Variants in ASAP1 observed in about 807,000 individuals in gnomAD.
ASAP1 encodes ArfGAP with SH3 domain, ankyrin repeat and PH domain 1.
ASAP1 carries 43 observed loss-of-function variants against 145.2 expected under a neutral mutation model. The ratio of observed to expected loss-of-function variants is 0.30; its 90% CI spans 0.23 to 0.38. The LOEUF (loss-of-function observed/expected upper bound fraction) is 0.38, where lower values mean the gene tolerates loss of function less well. Among genes scored for constraint, ASAP1 ranks in the 10% least tolerant of loss-of-function variants. The pLI is 1.00. For missense variants in ASAP1, 1,018 were observed against 1,355.3 expected (o/e 0.75, Z 3.91); for synonymous variants, 546 against 515.5 (o/e 1.06, Z -0.80).
chr8:130,280,484 A>G (rs1357090226), intron 3 of ASAP1, among the ~76,000 whole-genome samples: 1 of 152,262 alleles, frequency 6.6e-6, no homozygotes, highest in African/African-American at 2.4e-5. Flanking sequence ...AGTCTGCCAC[A>G]GTAGAGAGCA....
chr8:130,188,199 G>A lies in ASAP1; in HGVS notation c.406-16C>T, dbSNP rs775114845. 6.3e-6 allele frequency: 10 copies of A among 1,596,612 alleles called. No homozygotes were observed. In the East Asian group the frequency reaches 1.8e-4, roughly 29 times the overall value. On this transcript the variant is annotated splice_polypyrimidine_tract_variant and intron_variant, in intron 5 of 29. Transcript: ENST00000518721. ...AACCCTGGAGCTGAAAAAGCAAAGG[G>A]AAGATGGGAGATGGTTAAAAAATAA...
chr8:130,059,784 A>T (rs2097413857), intron 28 of ASAP1, among the ~76,000 whole-genome samples: 1 of 152,178 alleles, frequency 6.6e-6, no homozygotes, highest in Non-Finnish European at 1.5e-5. Context: ...AGTCTGACTT[A>T]GCAACTCAGG....
chr8:130,055,891 A>T lies in ASAP1; in HGVS notation c.3316-1086T>A, dbSNP rs140922965. ...CCCACCGCGTGTGGTCTTAGTTGGCATCATGCATGTGTGAGGTCTTTGTGA... is the reference window on the plus strand; with the variant it reads ...CCCACCGCGTGTGGTCTTAGTTGGCTTCATGCATGTGTGAGGTCTTTGTGA... On this transcript the variant is annotated intron_variant, in intron 29 of 29. Coordinates refer to ENST00000518721, the MANE Select transcript of ASAP1 (RefSeq NM_018482.4). 6.0e-3 allele frequency among the ~76,000 whole-genome samples: 919 copies of T among 152,346 alleles called. 10 individuals carry two copies. The highest frequency in any genetic ancestry group is 0.021 in the African/African-American group (885 of 41,580).
rs767353831 is a variant in ASAP1, at chr8:130,210,373, G to A, written c.405+4183C>T. Among the ~76,000 whole-genome samples, 8 of 152,168 alleles carry A rather than the reference G, an allele frequency of 5.3e-5. No individual in the cohort carries two copies. The East Asian group carries it at 1.5e-3, about 29-fold the overall frequency. ...AAAATACATAATACACATGGAAAAC[G>A]TCTCAGTTTTAATTTCTAAGACAGT... On this transcript the variant is annotated intron_variant, in intron 5 of 29. Coordinates refer to ENST00000518721, the MANE Select transcript of ASAP1 (RefSeq NM_018482.4).
At chr8:130,390,568 C>T (rs1828231608) in intron 2 of ASAP1, among the ~76,000 whole-genome samples, 1 of 152,204 alleles carries the variant, frequency 6.6e-6, no homozygotes, top group East Asian at 1.9e-4. Flanking sequence ...ACTCTGAGTG[C>T]CGTGAAGGCA....
intron 1 of ASAP1, among the ~76,000 whole-genome samples, chr8:130,409,943 G>A (rs1017514683): frequency 1.3e-5 from 2 of 152,212 alleles, no homozygotes; most frequent in Non-Finnish European, 2.9e-5. Context: ...AGAGCTCACA[G>A]TCTGGTGGGG....
intron 5 of ASAP1, among the ~76,000 whole-genome samples, chr8:130,211,660 A>G (rs560563876): frequency 2.0e-5 from 3 of 152,352 alleles, no homozygotes; most frequent in East Asian, 3.9e-4. Flanking sequence ...CTCCATAAAA[A>G]TAAGTAATGA....
At chr8:130,076,607 G>C (rs536293695) in intron 26 of ASAP1, among the ~76,000 whole-genome samples, 6 of 151,716 alleles carry the variant, frequency 4.0e-5, no homozygotes, top group Non-Finnish European at 8.8e-5. Flanking sequence ...CTGCAACCTC[G>C]GCCTCCTGGG....
At chr8:130,248,227 G>C (rs369183344) in intron 3 of ASAP1, among the ~76,000 whole-genome samples, 4 of 152,082 alleles carry the variant, frequency 2.6e-5, no homozygotes, top group Non-Finnish European at 4.4e-5. Flanking sequence ...GTGCCGGGGG[G>C]GTTGGAGGGG....
intron 3 of ASAP1, among the ~76,000 whole-genome samples, chr8:130,306,830 G>A (rs752303213): frequency 2.6e-5 from 4 of 152,264 alleles, no homozygotes; most frequent in Non-Finnish European, 5.9e-5. Flanking sequence ...TCTCTATGGT[G>A]CTTTTCTCCT....
intron 3 of ASAP1, among the ~76,000 whole-genome samples, chr8:130,255,745 C>T (rs1819472722): frequency 6.6e-6 from 1 of 151,996 alleles, no homozygotes; most frequent in Non-Finnish European, 1.5e-5. Flanking sequence ...AATTTATGTC[C>T]CTAAGTCGCA....
In ASAP1 at chr8:130,188,749, A is replaced by G. The variant is rs546940673; in HGVS notation, c.406-566T>C. Among the ~76,000 whole-genome samples the G allele has an allele frequency of 2.0e-5, 3 of 151,814 alleles. No homozygotes were observed. In the South Asian group the frequency reaches 6.2e-4, roughly 32 times the overall value. Reference sequence around the variant, plus strand: ...AAAAAAAAAAAAAAAAAAAAAAGAAAAGAAAAGAAAATTGAATTTAGGTGG... The same window carrying G: ...AAAAAAAAAAAAAAAAAAAAAAGAAGAGAAAAGAAAATTGAATTTAGGTGG... On this transcript the variant is annotated intron_variant, in intron 5 of 29. Coordinates refer to ENST00000518721, the MANE Select transcript of ASAP1 (RefSeq NM_018482.4).
chr8:130,387,864 G>A (rs1220405988), intron 2 of ASAP1, among the ~76,000 whole-genome samples: 1 of 152,212 alleles, frequency 6.6e-6, no homozygotes, highest in Non-Finnish European at 1.5e-5. Context: ...CTCTGTGCCT[G>A]GCACTGGAGT....
chr8:130,276,687 AAC>A (rs1161892776), intron 3 of ASAP1, among the ~76,000 whole-genome samples: 1,330 of 91,550 alleles, frequency 0.015, 17 homozygotes, highest in African/African-American at 0.026. Flanking sequence ...CAAGACTGCA[AAC>A]ACACACACAC....
intron 3 of ASAP1, among the ~76,000 whole-genome samples, chr8:130,259,864 C>G (rs541631436): frequency 6.6e-6 from 1 of 152,160 alleles, no homozygotes; most frequent in Non-Finnish European, 1.5e-5. Flanking sequence ...GTGGATAATG[C>G]TCATGAGGAT....
intron 18 of ASAP1, among the ~76,000 whole-genome samples, chr8:130,122,240 G>A (rs1262941174): frequency 2.0e-5 from 3 of 152,140 alleles, no homozygotes; most frequent in African/African-American, 7.2e-5. Flanking sequence ...AATTCCCTGT[G>A]TTTTCATCTC....
chr8:130,318,191 CCCA>C (rs1823780192), intron 3 of ASAP1, among the ~76,000 whole-genome samples: 1 of 152,156 alleles, frequency 6.6e-6, no homozygotes, highest in South Asian at 2.1e-4. Context: ...AAGTAATCCT[CCCA>C]CCTCAGCCCC....
At chr8:130,097,926 T>TATA (rs1210129850) in intron 24 of ASAP1, among the ~76,000 whole-genome samples, 2 of 152,214 alleles carry the variant, frequency 1.3e-5, no homozygotes, top group Non-Finnish European at 2.9e-5. Flanking sequence ...TTCATTCACT[T>TATA]ATACCTAAAT....
At chr8:130,129,416 T>C (rs1228223361) in intron 15 of ASAP1, among the ~76,000 whole-genome samples, 1 of 152,236 alleles carries the variant, frequency 6.6e-6, no homozygotes, top group Non-Finnish European at 1.5e-5. Context: ...TGCCCGACTT[T>C]GTGCCTTTCT....
Sources: allele counts gnomAD v4.1 joint callset (sites outside exome capture counted in the v4.1 genomes callset), GRCh38; gene constraint gnomAD v4.1.1; transcripts MANE v1.5; gene names NCBI Gene and HGNC (gene_info 2026-07-23, HGNC 2026-07-21).